Variants in HEPHL1 observed in about 807,000 individuals in gnomAD.
HEPHL1 encodes the protein hephaestin like 1.
A neutral mutation model predicts 122.0 loss-of-function variants in HEPHL1; 123 were observed. The ratio of observed to expected loss-of-function variants is 1.01; its 90% CI spans 0.87 to 1.17. HEPHL1 has a LOEUF of 1.17. HEPHL1 is among the 50% of genes most tolerant of loss of function. The pLI is 0.00. For missense variants in HEPHL1, 1,452 were observed against 1,430.5 expected (o/e 1.01, Z -0.24); for synonymous variants, 527 against 508.9 (o/e 1.04, Z -0.48).
intron 13 of HEPHL1, among the ~76,000 whole-genome samples, chr11:94,096,969 G>T (rs1946321641): frequency 1.3e-5 from 2 of 152,100 alleles, no homozygotes; most frequent in Admixed American, 6.5e-5. Context: ...CAAAAAACCA[G>T]CTCCTGGATT....
chr11:94,050,230 T>G (rs2511378), intron 2 of HEPHL1, among the ~76,000 whole-genome samples: 54,089 of 151,996 alleles, frequency 0.36, 10,400 homozygotes, highest in Admixed American at 0.45. Context: ...TTAGTAGATG[T>G]TTAGTGGATT....
intron 13 of HEPHL1, 96 bp from the exon 14 acceptor site, chr11:94,101,099 C>T (rs2134451626): frequency 1.4e-6 from 2 of 1,405,054 alleles, no homozygotes; most frequent in East Asian, 4.6e-5. Context: ...CAACTAAAGC[C>T]AAACTATTTT....
intron 13 of HEPHL1, among the ~76,000 whole-genome samples, chr11:94,098,513 G>A (rs1022449338): frequency 3.3e-5 from 5 of 152,320 alleles, no homozygotes; most frequent in African/African-American, 1.2e-4. Flanking sequence ...TTCTCGAGGA[G>A]TATCTTTGTG....
At chr11:94,043,084 C>T (rs1245852304) in intron 1 of HEPHL1, among the ~76,000 whole-genome samples, 1 of 151,794 alleles carries the variant, frequency 6.6e-6, no homozygotes, top group East Asian at 1.9e-4. Flanking sequence ...ACGTGCTTAA[C>T]ACATTTTTTA....
At chr11:94,036,187 A>C (rs1945720951) in intron 1 of HEPHL1, among the ~76,000 whole-genome samples, 1 of 152,228 alleles carries the variant, frequency 6.6e-6, no homozygotes, top group Non-Finnish European at 1.5e-5. Flanking sequence ...GGTCCAGGAA[A>C]TATGTCCACC....
chr11:94,104,466 T>G (rs1591489915), intron 15 of HEPHL1, 62 bp from the exon 16 acceptor site: 38 of 1,140,054 alleles, frequency 3.3e-5, no homozygotes, highest in Admixed American at 2.0e-5. Flanking sequence ...TGGTGGCAGG[T>G]GGAATGAAAT....
At position 94,067,611 on chromosome 11, in the gene HEPHL1, C is replaced by T. The variant is rs983197066; in HGVS notation, c.924C>T (p.Phe308=). 2 of 1,613,816 alleles carry T rather than the reference C, an allele frequency of 1.2e-6. No individual in the cohort carries two copies. Among genetic ancestry groups the T allele is most frequent in the African/African-American group, 1.3e-5 (1 of 75,038 alleles). The change falls in exon 5 of 20, where the codon TTC becomes TTT. Residue 308 remains phenylalanine, a synonymous_variant. Coordinates refer to ENST00000315765, the MANE Select transcript of HEPHL1 (RefSeq NM_001098672.2). Reference sequence around the variant, plus strand: ...AAATAGACATCCATTCTATCTATTTCTATGGTAACACCTTCATCAGCAGAG... The same window carrying T: ...AAATAGACATCCATTCTATCTATTTTTATGGTAACACCTTCATCAGCAGAG... The part of the protein sequence containing the change: ...GNEIDIHSIY[F]YGNTFISRGH...
Position 94,088,938 on chromosome 11 carries a change from A to G in HEPHL1, c.2264A>G (p.Glu755Gly), listed in dbSNP as rs1335252936. ...GCCCCTAACAAAAACTGGGAGTTCG[A>G]AAAGCAGCACGTGGACGCAAGAGGG... ...DYAPNKNWEF[E>G]KQHVDARGER... Residue 755 changes from glutamate (E) to glycine (G), a missense_variant, in exon 12 of 20, where the codon GAA (glutamate) becomes GGA (glycine). Transcript: ENST00000315765. The G allele has an allele frequency of 3.1e-6, 5 of 1,614,024 alleles. No individual in the cohort carries two copies. The South Asian group carries it at 4.4e-5, about 14-fold the overall frequency.
At chr11:94,073,716 A>G (rs941432344) in intron 8 of HEPHL1, among the ~76,000 whole-genome samples, 4 of 152,122 alleles carry the variant, frequency 2.6e-5, no homozygotes, top group African/African-American at 9.7e-5. Flanking sequence ...TCAGCAATAT[A>G]GTAAATCTCA....
At chr11:94,048,447 A>T (rs1481162832) in intron 2 of HEPHL1, among the ~76,000 whole-genome samples, 1 of 151,738 alleles carries the variant, frequency 6.6e-6, no homozygotes, top group Non-Finnish European at 1.5e-5. Context: ...GCAGCCTTGA[A>T]CTCCTGTGCT....
At position 94,048,941 on chromosome 11, in the gene HEPHL1, G is replaced by A. The variant is rs562340993; in HGVS notation, c.415+3024G>A. On this transcript the variant is annotated intron_variant, in intron 2 of 19. Coordinates refer to ENST00000315765, the MANE Select transcript of HEPHL1 (RefSeq NM_001098672.2). Reference sequence around the variant, plus strand: ...TTTGAGACCAGCCTGGCCAACAGGCGAAACCCCATCTCTACTAAAAATACA... The same window carrying A: ...TTTGAGACCAGCCTGGCCAACAGGCAAAACCCCATCTCTACTAAAAATACA... Among the ~76,000 whole-genome samples, 28 of 151,982 alleles carry A rather than the reference G, an allele frequency of 1.8e-4. No individual in the cohort carries two copies. In the South Asian group the frequency reaches 2.9e-3, roughly 16 times the overall value.
chr11:94,107,976 A>T (rs1946421870), intron 17 of HEPHL1, among the ~76,000 whole-genome samples: 1 of 152,208 alleles, frequency 6.6e-6, no homozygotes, highest in South Asian at 2.1e-4. Context: ...CTGTTTTCCA[A>T]AAAGGCAGTA....
intron 2 of HEPHL1, among the ~76,000 whole-genome samples, chr11:94,060,234 T>C (rs975605797): frequency 1.3e-5 from 2 of 150,432 alleles, no homozygotes; most frequent in Non-Finnish European, 3.0e-5. Flanking sequence ...CAGTCTAACA[T>C]GAGAAAGAGA....
chr11:94,085,976 G>T lies in HEPHL1; in HGVS notation c.1868-1G>T, dbSNP rs199689820. ...TTCACCGTCTTTCTTCTTCCATTTA[G>T]CTGTTAACGGCTACATGTATGGCAA... On this transcript the variant is annotated splice_acceptor_variant, in intron 10 of 19. Coordinates refer to ENST00000315765, the MANE Select transcript of HEPHL1 (RefSeq NM_001098672.2). LOFTEE classifies it high-confidence loss of function. 11 of 1,611,528 alleles carry T rather than the reference G, an allele frequency of 6.8e-6. No individual in the cohort carries two copies. In the South Asian group the frequency reaches 9.9e-5, roughly 14 times the overall value.
At chr11:94,043,497 T>G (rs1945805822) in intron 1 of HEPHL1, among the ~76,000 whole-genome samples, 1 of 151,996 alleles carries the variant, frequency 6.6e-6, no homozygotes, top group African/African-American at 2.4e-5. Flanking sequence ...TAACAACAGC[T>G]TATTAGAGAA....
chr11:94,092,619 T>A (rs1946271154), intron 12 of HEPHL1, among the ~76,000 whole-genome samples: 1 of 152,194 alleles, frequency 6.6e-6, no homozygotes, highest in African/African-American at 2.4e-5. Flanking sequence ...TGAAGCAGTG[T>A]CCTCAGTGTA....
chr11:94,040,962 A>G (rs1400093362), intron 1 of HEPHL1, among the ~76,000 whole-genome samples: 2 of 118,332 alleles, frequency 1.7e-5, no homozygotes, highest in African/African-American at 3.4e-5. Flanking sequence ...ATGATTGTTT[A>G]TCTAGAAAAC....
intron 11 of HEPHL1, among the ~76,000 whole-genome samples, 168 bp from the exon 12 acceptor site, chr11:94,088,587 A>G (rs1408769717): frequency 1.3e-5 from 2 of 152,248 alleles, no homozygotes; most frequent in Admixed American, 6.5e-5. Context: ...ATATATTCAA[A>G]GTAATCTATA....
At position 94,037,832 on chromosome 11, in the gene HEPHL1, C is replaced by G. The variant is rs558845673; in HGVS notation, c.171-7841C>G. Reference sequence around the variant, plus strand: ...GAGCGCCTCTCCTCCTCCAAAGGAACGCAGTTCCTCACCAGCAACGGAACA... The same window carrying G: ...GAGCGCCTCTCCTCCTCCAAAGGAAGGCAGTTCCTCACCAGCAACGGAACA... On this transcript the variant is annotated intron_variant, in intron 1 of 19. Transcript: ENST00000315765. Among the ~76,000 whole-genome samples the G allele has an allele frequency of 3.3e-5, 5 of 151,286 alleles. No homozygotes were observed. The East Asian group carries it at 5.8e-4, about 18-fold the overall frequency.
Sources: allele counts gnomAD v4.1 joint callset (sites outside exome capture counted in the v4.1 genomes callset), GRCh38; gene constraint gnomAD v4.1.1; transcripts MANE v1.5; gene names NCBI Gene and HGNC (gene_info 2026-07-23, HGNC 2026-07-21).